Variants in ZNF705G observed in about 807,000 individuals in gnomAD.
ZNF705G encodes the protein zinc finger protein 705G.
ZNF705G carries 23 observed loss-of-function variants against 19.6 expected under a neutral mutation model. That is an observed-to-expected ratio of 1.17 (90% confidence interval 0.84 to 1.66). ZNF705G has a LOEUF of 1.66. ZNF705G is among the 40% of genes most tolerant of loss of function. ZNF705G has a pLI of 0.00. For synonymous variants in ZNF705G, 146 were observed against 117.7 expected, an observed-to-expected ratio of 1.24 and a Z score of -1.56; for missense variants, 457 against 354.4, an observed-to-expected ratio of 1.29 and a Z score of -2.32.
At chr8:7,379,533 G>T (rs1200692403) in intron 2 of ZNF705G, among the ~76,000 whole-genome samples, 3 of 147,208 alleles carry the variant, frequency 2.0e-5, no homozygotes, top group Non-Finnish European at 4.4e-5. Context: ...CTTGAAGAGG[G>T]CATGAAAGAG....
At chr8:7,379,858 G>A (rs1175068916) in intron 2 of ZNF705G, among the ~76,000 whole-genome samples, 1 of 146,370 alleles carries the variant, frequency 6.8e-6, no homozygotes, top group African/African-American at 2.8e-5. Flanking sequence ...AGGCAGCTGT[G>A]GCACAATGCC....
chr8:7,361,475 T>C (rs1273558080), intron 3 of ZNF705G, among the ~76,000 whole-genome samples: 1 of 149,740 alleles, frequency 6.7e-6, no homozygotes, highest in Non-Finnish European at 1.5e-5. Context: ...TGTGGCATAA[T>C]ATAACCCAGA....
At chr8:7,383,465 A>G (rs778789992) in intron 1 of ZNF705G, among the ~76,000 whole-genome samples, 3 of 146,568 alleles carry the variant, frequency 2.0e-5, no homozygotes, top group Non-Finnish European at 4.4e-5. Context: ...CCTAGCAGAG[A>G]CGAGGTACTC....
Position 7,358,429 on chromosome 8 carries a change from T to C in ZNF705G, c.450A>G (p.Gly150=), listed in dbSNP as rs1250167652. Residue 150 remains glycine, a synonymous_variant, in exon 7 of 7, where the codon GGA becomes GGG. Coordinates refer to ENST00000400156, the MANE Select transcript of ZNF705G (RefSeq NM_001164457.3). Reference sequence around the variant, plus strand: ...TGGACAAAAGATTACGAAGGGATTTTCCACACTGTTTGCTGACATAGGGTT... The same window carrying C: ...TGGACAAAAGATTACGAAGGGATTTCCCACACTGTTTGCTGACATAGGGTT... ...GKKPYVSKQC[G]KSLRNLLSTE... is the part of the protein sequence containing the mutation. 5.6e-6 allele frequency: 9 copies of C among 1,607,620 alleles called. 2 individuals are homozygous for C. The African/African-American group carries it at 8.4e-5, about 15-fold the overall frequency.
At chr8:7,376,769 C>A (rs1320295620) in intron 2 of ZNF705G, among the ~76,000 whole-genome samples, 1 of 150,150 alleles carries the variant, frequency 6.7e-6, no homozygotes, top group Non-Finnish European at 1.5e-5. Context: ...AATATTGTTC[C>A]CTTCCACAGG....
intron 6 of ZNF705G, among the ~76,000 whole-genome samples, chr8:7,358,976 C>T (rs1806435374): frequency 6.7e-6 from 1 of 149,550 alleles, no homozygotes; most frequent in Non-Finnish European, 1.5e-5. Flanking sequence ...CCCCATTTTG[C>T]CTATGTTGTC....
At chr8:7,363,817 T>C (rs1806718384) in intron 2 of ZNF705G, among the ~76,000 whole-genome samples, 1 of 148,770 alleles carries the variant, frequency 6.7e-6, no homozygotes, top group Admixed American at 6.6e-5. Flanking sequence ...CGAGACTCTG[T>C]CTCAAAAAAA....
At chr8:7,367,604 G>A (rs1198854909) in intron 2 of ZNF705G, among the ~76,000 whole-genome samples, 2 of 149,604 alleles carry the variant, frequency 1.3e-5, no homozygotes, top group Non-Finnish European at 2.9e-5. Context: ...CGAATCACGG[G>A]AAAGAGGAAA....
chr8:7,364,822 G>A (rs1173888642), intron 2 of ZNF705G, among the ~76,000 whole-genome samples: 2 of 149,446 alleles, frequency 1.3e-5, no homozygotes, highest in East Asian at 3.9e-4. Flanking sequence ...TTCCATGAAT[G>A]TACCTGACAG....
intron 2 of ZNF705G, among the ~76,000 whole-genome samples, chr8:7,363,691 C>A (rs1342765526): frequency 6.7e-6 from 1 of 149,284 alleles, no homozygotes; most frequent in African/African-American, 2.6e-5. Flanking sequence ...TATGGTGGTG[C>A]TTGCCTGTAA....
Position 7,358,196 on chromosome 8 carries a change from T to A in ZNF705G, c.683A>T (p.Tyr228Phe). Residue 228 changes from tyrosine to phenylalanine, a missense_variant, in exon 7 of 7, where the codon TAT becomes TTT. Tyr to Phe is a conservative substitution (Grantham distance 22, BLOSUM62 3). Transcript: ENST00000400156. Reference sequence around the variant, plus strand: ...GACTTTCCCATATTGATGACACTTATATGGTCTCTGTCCCGTGTGAGTTTT... The same window carrying A: ...GACTTTCCCATATTGATGACACTTAAATGGTCTCTGTCCCGTGTGAGTTTT... ...HEKTHTGQRP[Y>F]KCHQYGKVFI... 6.2e-7 allele frequency: 1 copy of A among 1,607,660 alleles called. No individual in the cohort carries two copies. The highest frequency in any genetic ancestry group is 8.5e-7 in the Non-Finnish European group (1 of 1,179,620).
In ZNF705G at chr8:7,374,852, G is replaced by A. The variant is rs1381103910; in HGVS notation, c.-72+6600C>T. Among the ~76,000 whole-genome samples, 2 of 88,398 alleles carry A rather than the reference G, an allele frequency of 2.3e-5. 1 individual carries two copies. Among genetic ancestry groups the A allele is most frequent in the Non-Finnish European group, 4.3e-5 (2 of 46,062 alleles). The allele number at this position is 88,398 out of a possible 152,430, so 58.0% of individuals were successfully genotyped here. ...TATGTTCATTGTAACTCTATCTTTT[G>A]TTCCTAAAGCAAATGGCCGGAAAAG... is the stretch of plus-strand genomic sequence containing the variant. On this transcript the variant is annotated intron_variant, in intron 2 of 6. Coordinates refer to ENST00000400156, the MANE Select transcript of ZNF705G (RefSeq NM_001164457.3).
At chr8:7,385,130 A>T (rs1211068877) in intron 1 of ZNF705G, among the ~76,000 whole-genome samples, 1 of 148,018 alleles carries the variant, frequency 6.8e-6, no homozygotes, top group African/African-American at 2.7e-5. Context: ...CGTGCATAAA[A>T]GGTTGTCTGA....
intron 2 of ZNF705G, among the ~76,000 whole-genome samples, chr8:7,376,773 C>T (rs1388487341): frequency 6.7e-6 from 1 of 150,258 alleles, no homozygotes; most frequent in Middle Eastern, 3.4e-3. Flanking sequence ...TTGTTCCCTT[C>T]CACAGGAAAA....
rs550713944 is a variant in ZNF705G, at chr8:7,368,265, G to T, written c.-71-5248C>A. 5.4e-5 allele frequency among the ~76,000 whole-genome samples: 8 copies of T among 149,528 alleles called. 1 individual carries two copies. In the South Asian group the frequency reaches 1.7e-3, roughly 31 times the overall value. Reference sequence around the variant, plus strand: ...CTCACATAAAGTTGGAAACCAAAGAGTTAAGGCTATTTTGAAGGAAAAATA... The same window carrying T: ...CTCACATAAAGTTGGAAACCAAAGATTTAAGGCTATTTTGAAGGAAAAATA... On this transcript the variant is annotated intron_variant, in intron 2 of 6. Transcript: ENST00000400156.
rs1399819543 is a variant in ZNF705G, at chr8:7,379,650, C to G, written c.-72+1802G>C. 1.4e-4 allele frequency among the ~76,000 whole-genome samples: 20 copies of G among 147,200 alleles called. 2 individuals carry two copies. Among genetic ancestry groups the G allele is most frequent in the African/African-American group, 4.4e-4 (16 of 36,700 alleles). On this transcript the variant is annotated intron_variant, in intron 2 of 6. Coordinates refer to ENST00000400156, the MANE Select transcript of ZNF705G (RefSeq NM_001164457.3). ...TCAGCTTAAAGCCAGGACAGGCTCT[C>G]CAGTGTGGTGAAAAGGTAAAAAAGA...
intron 2 of ZNF705G, among the ~76,000 whole-genome samples, chr8:7,379,612 T>A (rs562762865): frequency 2.0e-5 from 3 of 147,254 alleles, no homozygotes; most frequent in Non-Finnish European, 2.9e-5. Context: ...ATGAAGCAGC[T>A]GCCCAGCCAG....
chr8:7,379,365 T>C (rs1394305269), intron 2 of ZNF705G, among the ~76,000 whole-genome samples: 4 of 147,534 alleles, frequency 2.7e-5, no homozygotes, highest in African/African-American at 1.1e-4. Context: ...ATAACATTTA[T>C]TTCTTAGAAA....
At chr8:7,382,207 C>A (rs1348860952) in intron 1 of ZNF705G, among the ~76,000 whole-genome samples, 1 of 150,372 alleles carries the variant, frequency 6.7e-6, no homozygotes, top group Non-Finnish European at 1.5e-5. Context: ...ACAACAACGA[C>A]AACAATTCAT....
Sources: allele counts gnomAD v4.1 joint callset (sites outside exome capture counted in the v4.1 genomes callset), GRCh38; gene constraint gnomAD v4.1.1; transcripts MANE v1.5; gene names NCBI Gene and HGNC (gene_info 2026-07-23, HGNC 2026-07-21).